The following SIPA1L1 variants were observed in gnomAD, a reference collection of about 807,000 sequenced individuals.
SIPA1L1 encodes signal induced proliferation associated 1 like 1.
Under a neutral mutation model 162.7 loss-of-function variants are expected in SIPA1L1, and 26 were observed. The ratio of observed to expected loss-of-function variants is 0.16; its 90% CI spans 0.12 to 0.22. The LOEUF is 0.22. SIPA1L1 is among the 10% of genes least tolerant of loss of function. The pLI is 1.00. For missense variants in SIPA1L1, 1,874 were observed against 2,241.0 expected, an observed-to-expected ratio of 0.84 and a Z score of 3.31; for synonymous variants, 829 against 837.4, an observed-to-expected ratio of 0.99 and a Z score of 0.17.
rs1317358136 is a variant in SIPA1L1 at position 71,740,605 on chromosome 14, A to G, written c.*1444A>G. 1 of 152,082 alleles carries G rather than the reference A, an allele frequency of 6.6e-6. No individual in the cohort carries two copies. The highest frequency in any genetic ancestry group is 1.5e-5 in the Non-Finnish European group (1 of 68,002). The allele number at this position is 152,082 out of a possible 1,614,324, so 9.4% of individuals were successfully genotyped here. The stretch of plus-strand genomic sequence containing the variant: ...GTAATCTCAATTCCTTCCTCTCTCC[A>G]TCCCTGAAAGAAACAGGATGGATTT... On this transcript the variant is annotated 3_prime_UTR_variant, in exon 24 of 24. Transcript: ENST00000381232.
intron 4 of SIPA1L1, among the ~76,000 whole-genome samples, chr14:71,560,217 C>T (rs573801558): frequency 6.6e-6 from 1 of 152,260 alleles, no homozygotes; most frequent in South Asian, 2.1e-4. Flanking sequence ...GTCAGGAATG[C>T]AGTCATCTGC....
chr14:71,439,321 C>T (rs1486324123), intron 2 of SIPA1L1, among the ~76,000 whole-genome samples: 9 of 152,284 alleles, frequency 5.9e-5, no homozygotes, highest in African/African-American at 2.2e-4. Flanking sequence ...CACTCCTCTC[C>T]CTCTTCTTCA....
At chr14:71,330,653 A>G in intron 2 of SIPA1L1, 2 of 885,184 alleles carry the variant, frequency 2.3e-6, no homozygotes, top group South Asian at 2.6e-5. Flanking sequence ...TCATTGTTGT[A>G]GTCTGGGTGG....
At chr14:71,478,354 T>G (rs1233461080) in intron 2 of SIPA1L1, among the ~76,000 whole-genome samples, 3 of 152,210 alleles carry the variant, frequency 2.0e-5, no homozygotes, top group Admixed American at 1.3e-4. Flanking sequence ...TGTATTTCTC[T>G]GAACAAAATT....
chr14:71,335,916 A>T (rs1447175380), intron 2 of SIPA1L1, among the ~76,000 whole-genome samples: 3 of 152,212 alleles, frequency 2.0e-5, no homozygotes, highest in Non-Finnish European at 4.4e-5. Flanking sequence ...GAAACCTCAA[A>T]CCTTGTCTTT....
chr14:71,720,236 C>T (rs1016500390), intron 17 of SIPA1L1, among the ~76,000 whole-genome samples: 6 of 152,118 alleles, frequency 3.9e-5, no homozygotes, highest in East Asian at 1.9e-4. Flanking sequence ...CTTTGTGCCC[C>T]GATCTCCTTC....
intron 10 of SIPA1L1, among the ~76,000 whole-genome samples, chr14:71,665,219 A>G (rs1596761377): frequency 6.6e-6 from 1 of 152,108 alleles, no homozygotes; most frequent in East Asian, 1.9e-4. Context: ...GCTAGACACT[A>G]CTCTGGACCC....
intron 2 of SIPA1L1, among the ~76,000 whole-genome samples, chr14:71,451,174 A>T (rs1263499280): frequency 6.6e-6 from 1 of 152,126 alleles, no homozygotes; most frequent in Non-Finnish European, 1.5e-5. Context: ...GATCTCCCCT[A>T]CATATGCAAA....
chr14:71,367,909 CTTT>C (rs543910059), intron 2 of SIPA1L1, among the ~76,000 whole-genome samples: 2 of 127,018 alleles, frequency 1.6e-5, no homozygotes, highest in African/African-American at 2.9e-5. Flanking sequence ...GCCGGCCTTC[CTTT>C]TTTTTTTTTT....
intron 4 of SIPA1L1, among the ~76,000 whole-genome samples, chr14:71,553,138 G>T (rs2056027724): frequency 6.6e-6 from 1 of 152,186 alleles, no homozygotes; most frequent in African/African-American, 2.4e-5. Context: ...TATACTGAGA[G>T]ATAATAATTT....
intron 2 of SIPA1L1, chr14:71,503,992 A>G (rs1233722722): frequency 6.6e-6 from 1 of 151,896 alleles, no homozygotes; most frequent in African/African-American, 2.4e-5. Flanking sequence ...TTTTGTAGAG[A>G]CAGGGTTTTA....
At chr14:71,653,970 C>A (rs2042848757) in intron 8 of SIPA1L1, among the ~76,000 whole-genome samples, 1 of 152,132 alleles carries the variant, frequency 6.6e-6, no homozygotes, top group South Asian at 2.1e-4. Context: ...ATAGCAAAGC[C>A]CCAAGACCGG....
At chr14:71,577,960 G>A (rs2033355899) in intron 4 of SIPA1L1, among the ~76,000 whole-genome samples, 1 of 152,016 alleles carries the variant, frequency 6.6e-6, no homozygotes, top group Non-Finnish European at 1.5e-5. Flanking sequence ...ACCCAGGCTG[G>A]AGTGCAGTGG....
chr14:71,345,545 T>C (rs1287269185), intron 2 of SIPA1L1, among the ~76,000 whole-genome samples: 1 of 152,128 alleles, frequency 6.6e-6, no homozygotes, highest in Non-Finnish European at 1.5e-5. Context: ...GGACTATGTC[T>C]TTGCAACTTG....
At chr14:71,396,157 T>C (rs776816248) in intron 2 of SIPA1L1, among the ~76,000 whole-genome samples, 18 of 152,192 alleles carry the variant, frequency 1.2e-4, no homozygotes, top group Admixed American at 2.6e-4. Flanking sequence ...TAGCCACTTA[T>C]CCATTTATGC....
chr14:71,356,567 C>CAAAAAAAAAAAAAAAAAA (rs71105772), intron 2 of SIPA1L1, among the ~76,000 whole-genome samples: 3,601 of 39,132 alleles, frequency 0.092, 1,404 homozygotes, highest in Non-Finnish European at 0.13. Context: ...CTTGTCTCTA[C>CAAAAAAAAAAAAAAAAAA]AAAAAAAAAA....
chr14:71,546,220 T>C (rs552711041), intron 4 of SIPA1L1, among the ~76,000 whole-genome samples: 1 of 152,260 alleles, frequency 6.6e-6, no homozygotes, highest in East Asian at 1.9e-4. Context: ...AGCTTTCTTG[T>C]GCTTGTGATG....
intron 2 of SIPA1L1, among the ~76,000 whole-genome samples, chr14:71,392,280 C>G (rs1208060144): frequency 6.6e-6 from 1 of 152,154 alleles, no homozygotes; most frequent in African/African-American, 2.4e-5. Context: ...TGGCTTCTGC[C>G]TTCTCTGTTG....
chr14:71,651,360 T>C (rs886652802), intron 8 of SIPA1L1, among the ~76,000 whole-genome samples: 2 of 152,210 alleles, frequency 1.3e-5, no homozygotes, highest in African/African-American at 2.4e-5. Context: ...TACAGGAAAT[T>C]AAATAAGGAG....
Sources: allele counts gnomAD v4.1 joint callset (sites outside exome capture counted in the v4.1 genomes callset), GRCh38; gene constraint gnomAD v4.1.1; transcripts MANE v1.5; gene names NCBI Gene and HGNC (gene_info 2026-07-23, HGNC 2026-07-21).